AP3D1: variants seen among roughly 807,000 people sequenced by gnomAD.
AP3D1 encodes the protein AP-3 complex subunit delta-1.
In AP3D1, 51 loss-of-function variants were observed where a neutral mutation model predicts 147.6. The ratio of observed to expected loss-of-function variants is 0.35; its 90% confidence interval spans 0.28 to 0.44. The LOEUF is 0.44. Ranked by LOEUF, AP3D1 falls within the 20% of genes least tolerant of loss-of-function variation. The pLI, the probability that AP3D1 is intolerant of heterozygous loss-of-function variation, is 1.00. For missense variants in AP3D1, 1,421 were observed against 1,624.2 expected, an observed-to-expected ratio of 0.87 and a Z score of 2.15; for synonymous variants, 760 against 663.0, an observed-to-expected ratio of 1.15 and a Z score of -2.25.
At chr19:2,107,825 C>T (rs558831986) in intron 31 of AP3D1, among the ~76,000 whole-genome samples, 3 of 151,926 alleles carry the variant, frequency 2.0e-5, no homozygotes, top group African/African-American at 4.8e-5. Flanking sequence ...ACCATCAGAA[C>T]GGAAAGTGAC....
rs1462629945 is a variant in AP3D1 at position 2,116,426 on chromosome 19, A to G, written c.2002-148T>C. On this transcript the variant is annotated intron_variant, in intron 17 of 31. Transcript: ENST00000643116. ...CACTAACAGGGAAACCAAGGCCCGC[A>G]ATTGGGAAGAGCACGTATTGGGGGA... 5 of 1,219,340 alleles carry G rather than the reference A, an allele frequency of 4.1e-6. No homozygotes were observed. The Admixed American group carries it at 1.3e-4, about 31-fold the overall frequency. 75.5% of individuals were successfully genotyped at this position (1,219,340 alleles called of 1,614,324 possible). A position where few individuals can be genotyped will look rare whatever the true frequency, so the allele number is the denominator to read the frequency against.
chr19:2,104,131 G>A (rs903802713), intron 31 of AP3D1, among the ~76,000 whole-genome samples: 1 of 150,454 alleles, frequency 6.6e-6, no homozygotes, highest in African/African-American at 2.5e-5. Flanking sequence ...CCAACACTCA[G>A]ACCCCAACGC....
rs377275142 is a variant in AP3D1, at chr19:2,121,740, A to G, written c.1095T>C (p.Tyr365=). ...SIRLRALDLL[Y]GMVSKKNLME... is the part of the protein sequence containing the mutation. ...GCGGACAGAGGGCACGCACCATCCC[A>G]TAGAGCAGGTCCAGGGCCCGCAGCC... Residue 365 remains tyrosine, a synonymous_variant, in exon 12 of 32, where the codon TAT becomes TAC. Coordinates refer to ENST00000643116, the MANE Select transcript of AP3D1 (RefSeq NM_001261826.3). 5.1e-5 allele frequency: 81 copies of G among 1,600,574 alleles called. No individual in the cohort carries two copies. The highest frequency in any genetic ancestry group is 6.9e-5 in the Non-Finnish European group (81 of 1,174,558).
At chr19:2,117,191 G>T (rs1026634961) in intron 16 of AP3D1, 31 bp downstream of exon 16, 1 of 1,558,782 alleles carries the variant, frequency 6.4e-7, no homozygotes, top group African/African-American at 1.4e-5. Flanking sequence ...TCAGGGCCAT[G>T]GTTGCAATGC....
rs181435599 is a variant in AP3D1, at chr19:2,146,736, C to T, written c.96+4503G>A. Among the ~76,000 whole-genome samples the T allele has an allele frequency of 7.8e-4, 118 of 152,214 alleles. 1 individual carries two copies. The highest frequency in any genetic ancestry group is 2.5e-3 in the African/African-American group (102 of 41,514). ...CTGGTCCACCACCACCGTGACAGCA[C>T]GGGGGACGAGGGCACCTGGACAACA... On this transcript the variant is annotated intron_variant, in intron 1 of 31. Coordinates refer to ENST00000643116, the MANE Select transcript of AP3D1 (RefSeq NM_001261826.3).
At chr19:2,115,150 G>A in intron 20 of AP3D1, 69 bp downstream of exon 20, 3 of 1,493,132 alleles carry the variant, frequency 2.0e-6, no homozygotes, top group Non-Finnish European at 2.8e-6. Context: ...AGGCCACTGT[G>A]CATGGCCCCA....
Position 2,101,265 on chromosome 19 carries a change from C to G in AP3D1, c.*908G>C, listed in dbSNP as rs1453228740. 6.6e-6 allele frequency: 1 copy of G among 152,472 alleles called. No homozygotes were observed. The highest frequency in any genetic ancestry group is 1.5e-5 in the Non-Finnish European group (1 of 68,068). 9.4% of individuals were successfully genotyped at this position (152,472 alleles called of 1,614,324 possible). A position where few individuals can be genotyped will look rare whatever the true frequency, so the allele number is the denominator to read the frequency against. ...GGCCGTGGGGAGTGAGCGGAGTCTCCTTGCCCTGCCTGGTGGGGGCTCTGC... is the reference window on the plus strand; with the variant it reads ...GGCCGTGGGGAGTGAGCGGAGTCTCGTTGCCCTGCCTGGTGGGGGCTCTGC... On this transcript the variant is annotated 3_prime_UTR_variant, in exon 32 of 32. Coordinates refer to ENST00000643116, the MANE Select transcript of AP3D1 (RefSeq NM_001261826.3).
At chr19:2,131,034 G>A (rs979305734) in intron 5 of AP3D1, among the ~76,000 whole-genome samples, 9 of 152,254 alleles carry the variant, frequency 5.9e-5, no homozygotes, top group Admixed American at 2.0e-4. Flanking sequence ...AGAGGAGCCG[G>A]CACTCTGTGA....
intron 2 of AP3D1, 92 bp from the exon 3 acceptor site, chr19:2,137,899 G>GT: frequency 7.7e-6 from 9 of 1,168,186 alleles, no homozygotes; most frequent in African/African-American, 1.5e-5. Flanking sequence ...CCCAGCACAC[G>GT]GTGCTGGAAC....
At chr19:2,142,909 C>A (rs1009933043) in intron 1 of AP3D1, among the ~76,000 whole-genome samples, 10 of 152,028 alleles carry the variant, frequency 6.6e-5, no homozygotes, top group Non-Finnish European at 1.5e-4. Context: ...GGATTACAGG[C>A]ACGAGCCACC....
In AP3D1 at chr19:2,121,149, G is replaced by T; in HGVS notation, c.1250+14C>A. The T allele has an allele frequency of 6.2e-7, 1 of 1,614,092 alleles. No homozygotes were observed. The highest frequency in any genetic ancestry group is 8.5e-7 in the Non-Finnish European group (1 of 1,179,944). ...CACGGAACCCCCGGCCACACCCCTG[G>T]GAGCGGGACGCACCACTCGAAGTTG... On this transcript the variant is annotated intron_variant, in intron 13 of 31. Transcript: ENST00000643116.
At position 2,156,741 on chromosome 19, in the gene AP3D1, C is replaced by T. The variant is rs185014835; in HGVS notation, c.-103+7615G>A. On this transcript the variant is annotated intron_variant, in intron 1 of 14. Transcript: ENST00000643010. ...GCGGGTGCCTGTAATCCCAGTTACTCGGGAGGCTGAGGCAGGAGAATCGCT... is the reference window on the plus strand; with the variant it reads ...GCGGGTGCCTGTAATCCCAGTTACTTGGGAGGCTGAGGCAGGAGAATCGCT... Among the ~76,000 whole-genome samples the T allele has an allele frequency of 1.1e-4, 16 of 151,982 alleles. No individual in the cohort carries two copies. In the East Asian group the frequency reaches 2.5e-3, roughly 24 times the overall value.
intron 4 of AP3D1, among the ~76,000 whole-genome samples, chr19:2,134,120 A>C (rs2019018435): frequency 6.6e-6 from 1 of 151,994 alleles, no homozygotes; most frequent in African/African-American, 2.4e-5. Flanking sequence ...AAATAAAATA[A>C]AATAACACAG....
Position 2,102,769 on chromosome 19 carries a change from AAAT to A in AP3D1, c.3553-504_3553-502del, listed in dbSNP as rs1171880131. ...TAAATAAATAAATAAATAAATAAAT[AAAT>A]AAATAAATAAAATAAAAATAAAAAA... is the stretch of plus-strand genomic sequence containing the variant. On this transcript the variant is annotated intron_variant, in intron 31 of 31. Transcript: ENST00000643116. Among the ~76,000 whole-genome samples, 3 of 142,958 alleles carry A rather than the reference AAAT, an allele frequency of 2.1e-5. No homozygotes were observed. In the East Asian group the frequency reaches 6.1e-4, roughly 29 times the overall value. The allele number at this position is 142,958 out of a possible 152,430, so 93.8% of individuals were successfully genotyped here.
Position 2,117,340 on chromosome 19 carries a change from G to A in AP3D1, c.1741C>T (p.His581Tyr), listed in dbSNP as rs867474581. Residue 581 changes from histidine (H) to tyrosine (Y), a missense_variant, in exon 16 of 32, where the codon CAC becomes TAC. Transcript: ENST00000643116. The part of the protein sequence containing the change: ...RASCILQLVK[H>Y]IQKLQAKDVP... ...TCCTTGGCCTGAAGCTTCTGGATGT[G>A]CTTGACCAGCTGCAGGATGCAGGAC... 1 of 1,610,238 alleles carries A rather than the reference G, an allele frequency of 6.2e-7. No individual in the cohort carries two copies. Among genetic ancestry groups the A allele is most frequent in the Non-Finnish European group, 8.5e-7 (1 of 1,178,840 alleles).
chr19:2,142,441 C>T (rs1295920044), intron 1 of AP3D1, among the ~76,000 whole-genome samples: 1 of 152,070 alleles, frequency 6.6e-6, no homozygotes, highest in Non-Finnish European at 1.5e-5. Context: ...TGAGCCACCG[C>T]ACCTGGCTGG....
intron 8 of AP3D1, among the ~76,000 whole-genome samples, chr19:2,128,705 C>A (rs1479113025): frequency 0.056 from 1 of 18 alleles, no homozygotes; most frequent in African/African-American, 0.17. Context: ...AGCCGGCCCG[C>A]CCCCGCCGCT....
At chr19:2,123,163 C>T (rs1466425921) in intron 11 of AP3D1, among the ~76,000 whole-genome samples, 195 bp downstream of exon 11, 1 of 152,194 alleles carries the variant, frequency 6.6e-6, no homozygotes, top group Non-Finnish European at 1.5e-5. Flanking sequence ...TCCCAGCCAC[C>T]CCACGCAGAT....
intron 27 of AP3D1, 50 bp downstream of exon 27, chr19:2,110,656 CA>C (rs2018245541): frequency 6.0e-6 from 9 of 1,492,810 alleles, no homozygotes; most frequent in African/African-American, 2.8e-5. Context: ...CACCAGCTGC[CA>C]CTGCGCTCCC....
Sources: gnomAD v4.1 joint callset for allele counts (sites outside exome capture counted in the v4.1 genomes callset) on GRCh38, gnomAD v4.1.1 for gene constraint, MANE v1.5 for transcripts, NCBI Gene and HGNC (gene_info 2026-07-23, HGNC 2026-07-21) for gene names.